Variants in PHGDH observed in about 807,000 individuals in gnomAD.
PHGDH encodes D-3-phosphoglycerate dehydrogenase.
Under a neutral mutation model 52.6 loss-of-function variants are expected in PHGDH, and 50 were observed. That is an observed-to-expected ratio of 0.95 (90% CI 0.76 to 1.20). The LOEUF is 1.20. Among genes scored for constraint, PHGDH ranks in the 50% most tolerant of loss-of-function variants. The pLI is 0.00. For synonymous variants in PHGDH, 271 were observed against 280.5 expected, an observed-to-expected ratio of 0.97 and a Z score of 0.34; for missense variants, 630 against 684.6, an observed-to-expected ratio of 0.92 and a Z score of 0.89.
chr1:119,725,303 GA>G, intron 3 of PHGDH, among the ~76,000 whole-genome samples: 1 of 152,322 alleles, frequency 6.6e-6, no homozygotes, highest in Non-Finnish European at 1.5e-5. Context: ...AGCAGCCAGA[GA>G]AAAGGGTTAG....
chr1:119,736,705 C>A (rs772742123), intron 7 of PHGDH, among the ~76,000 whole-genome samples: 4 of 152,144 alleles, frequency 2.6e-5, no homozygotes, highest in Non-Finnish European at 5.9e-5. Flanking sequence ...GGGTGAGTTT[C>A]GGGGAAAAGC....
chr1:119,735,320 C>G lies in PHGDH; in HGVS notation c.669C>G (p.Ala223=), dbSNP rs587765094. Residue 223 remains alanine (A), a synonymous_variant, in exon 7 of 12, where the codon GCC becomes GCG. Coordinates refer to ENST00000641023, the MANE Select transcript of PHGDH (RefSeq NM_006623.4). ...GCTTGCTGAATGACAACACCTTTGC[C>G]CAGTGCAAGAAGGGGGTGCGTGTGG... ...TTGLLNDNTF[A]QCKKGVRVVN... is the part of the protein sequence containing the mutation. The G allele has an allele frequency of 6.2e-7, 1 of 1,614,202 alleles. No homozygotes were observed. Among genetic ancestry groups the G allele is most frequent in the South Asian group, 1.1e-5 (1 of 91,090 alleles).
At chr1:119,722,579 T>G (rs1651217624) in intron 2 of PHGDH, among the ~76,000 whole-genome samples, 1 of 151,906 alleles carries the variant, frequency 6.6e-6, no homozygotes, top group East Asian at 1.9e-4. Flanking sequence ...AGGTGGAGAT[T>G]ACTAATAAAA....
In PHGDH at chr1:119,712,002, A is replaced by C; in HGVS notation, c.-21A>C. On this transcript the variant is annotated 5_prime_UTR_variant, in exon 1 of 12. Transcript: ENST00000641023. Reference sequence around the variant, plus strand: ...TAGGTACTTCTACTCACAGCGGCCGATTCCGAGGCCAACTCCAGCAATGGC... The same window carrying C: ...TAGGTACTTCTACTCACAGCGGCCGCTTCCGAGGCCAACTCCAGCAATGGC... The C allele has an allele frequency of 6.2e-7, 1 of 1,613,738 alleles. No homozygotes were observed. Among genetic ancestry groups the C allele is most frequent in the Non-Finnish European group, 8.5e-7 (1 of 1,179,954 alleles).
intron 10 of PHGDH, 181 bp downstream of exon 10, chr1:119,742,078 T>C: frequency 1.6e-6 from 1 of 638,792 alleles, no homozygotes; most frequent in Non-Finnish European, 2.8e-6. Context: ...TGGCCCCGAG[T>C]GTTGCTAATG....
intron 5 of PHGDH, among the ~76,000 whole-genome samples, chr1:119,733,327 C>T (rs2101191492): frequency 6.6e-6 from 1 of 151,058 alleles, no homozygotes; most frequent in African/African-American, 2.4e-5. Flanking sequence ...CTATTACGTT[C>T]TTTTTTATTT....
chr1:119,721,181 C>T lies in PHGDH; in HGVS notation c.150C>T (p.Gly50=), dbSNP rs1391807419. 2 of 1,614,110 alleles carry T rather than the reference C, an allele frequency of 1.2e-6. No individual in the cohort carries two copies. Among genetic ancestry groups the T allele is most frequent in the Non-Finnish European group, 8.5e-7 (1 of 1,179,980 alleles). The stretch of plus-strand genomic sequence containing the variant: ...TTTTTCTGCTTCAGGACTGTGAAGG[C>T]CTTATTGTTCGCTCTGCCACCAAGG... ...ELIAELQDCE[G]LIVRSATKVT... The change falls in exon 2 of 12, where the codon GGC becomes GGT. Residue 50 remains glycine, a synonymous_variant. Transcript: ENST00000641023.
Position 119,734,636 on chromosome 1 carries a change from T to C in PHGDH, c.513T>C (p.Thr171=). The C allele has an allele frequency of 6.2e-7, 1 of 1,614,084 alleles. No individual in the cohort carries two copies. Among genetic ancestry groups the C allele is most frequent in the Non-Finnish European group, 8.5e-7 (1 of 1,179,912 alleles). The change falls in exon 6 of 12, where the codon ACT becomes ACC. Residue 171 remains threonine (T), a splice_region_variant and synonymous_variant. Coordinates refer to ENST00000641023, the MANE Select transcript of PHGDH (RefSeq NM_006623.4). ...ATRMQSFGMK[T]IGYDPIISPE... is the part of the protein sequence containing the mutation. ...CCCTCTCTCTTGCTTCCAACCAGAC[T>C]ATAGGGTATGACCCCATCATTTCCC...
chr1:119,740,519 G>A lies in PHGDH; in HGVS notation c.1078+1G>A, dbSNP rs1224279673. 3.6e-5 allele frequency: 57 copies of A among 1,566,486 alleles called. No individual in the cohort carries two copies. Among genetic ancestry groups the A allele is most frequent in the Non-Finnish European group, 4.8e-5 (56 of 1,154,700 alleles). On this transcript the variant is annotated splice_donor_variant, in intron 9 of 11. Coordinates refer to ENST00000641023, the MANE Select transcript of PHGDH (RefSeq NM_006623.4). LOFTEE classifies it high-confidence loss of function. The stretch of plus-strand genomic sequence containing the variant: ...GGGACCATCCAGGTGATAACACAGG[G>A]TGAGCTGGGGACCTTGCAGAGGGAG...
intron 8 of PHGDH, among the ~76,000 whole-genome samples, chr1:119,737,476 G>C (rs587659076): frequency 3.1e-4 from 47 of 152,324 alleles, no homozygotes; most frequent in African/African-American, 1.1e-3. Flanking sequence ...GCAGCAGAGA[G>C]CCCGGCTCAG....
rs587597751 is a variant in PHGDH, at chr1:119,731,868, A to T, written c.511-2766A>T. On this transcript the variant is annotated intron_variant, in intron 5 of 11. Transcript: ENST00000641023. ...CTCCAGGATGGGCAGCTCCTATCTC[A>T]GTGTGTTACCTGGAATGCTTACTGC... Among the ~76,000 whole-genome samples, 4 of 152,248 alleles carry T rather than the reference A, an allele frequency of 2.6e-5. No individual in the cohort carries two copies. In the East Asian group the frequency reaches 7.7e-4, roughly 29 times the overall value.
At chr1:119,715,019 T>C (rs1166075440) in intron 1 of PHGDH, among the ~76,000 whole-genome samples, 2 of 152,220 alleles carry the variant, frequency 1.3e-5, no homozygotes, top group African/African-American at 4.8e-5. Context: ...GGAACTCACA[T>C]CTTAAATATA....
chr1:119,721,314 G>C lies in PHGDH; in HGVS notation c.283G>C (p.Val95Leu). Residue 95 changes from valine to leucine, a missense_variant, in exon 2 of 12, where the codon GTT becomes CTT. By Grantham distance (32) the Val-to-Leu change is conservative (BLOSUM62 1). Coordinates refer to ENST00000641023, the MANE Select transcript of PHGDH (RefSeq NM_006623.4). ...LEAATRKGIL[V>L]MNTPNGNSLS... The stretch of plus-strand genomic sequence containing the variant: ...GGCCGCAACAAGGAAGGGCATCTTG[G>C]TTATGAAGTAAGTCATGGAGGCTGC... 1 of 1,613,902 alleles carries C rather than the reference G, an allele frequency of 6.2e-7. No homozygotes were observed. The highest frequency in any genetic ancestry group is 8.5e-7 in the Non-Finnish European group (1 of 1,179,900).
At chr1:119,739,889 C>A (rs934501637) in intron 8 of PHGDH, 1 of 167,292 alleles carries the variant, frequency 6.0e-6, no homozygotes, top group Non-Finnish European at 1.3e-5. Context: ...ATTTGAAGCA[C>A]GATCATCAAA....
chr1:119,712,633 T>G, intron 1 of PHGDH: 1 of 190,478 alleles, frequency 5.2e-6, no homozygotes, highest in Non-Finnish European at 1.1e-5. Flanking sequence ...CCAACCAAGT[T>G]CTGGGCCGCC....
chr1:119,733,736 A>G (rs1457287040), intron 5 of PHGDH, among the ~76,000 whole-genome samples: 1 of 152,242 alleles, frequency 6.6e-6, no homozygotes, highest in African/African-American at 2.4e-5. Flanking sequence ...AGCAAAAAGG[A>G]GAAAAATAAT....
intron 3 of PHGDH, chr1:119,724,830 G>T (rs1343926354): frequency 2.2e-6 from 1 of 456,532 alleles, no homozygotes; most frequent in Non-Finnish European, 4.4e-6. Flanking sequence ...TGGTTTAAAA[G>T]AAGCTCCCCA....
intron 3 of PHGDH, 69 bp from the exon 4 acceptor site, chr1:119,726,782 A>G: frequency 1.6e-6 from 2 of 1,269,956 alleles, no homozygotes; most frequent in Non-Finnish European, 2.3e-6. Flanking sequence ...TGCAAACCTG[A>G]TGTTGCATCT....
rs771879574 is a variant in PHGDH, at chr1:119,735,260, C to T, written c.644-35C>T. On this transcript the variant is annotated intron_variant, in intron 6 of 11. Coordinates refer to ENST00000641023, the MANE Select transcript of PHGDH (RefSeq NM_006623.4). Reference sequence around the variant, plus strand: ...AGGGATGAGCGTGGGGATCCTGGTGCTGCCCCAGCAGGAAGATGCTTCGCT... The same window carrying T: ...AGGGATGAGCGTGGGGATCCTGGTGTTGCCCCAGCAGGAAGATGCTTCGCT... 3.1e-6 allele frequency: 5 copies of T among 1,613,630 alleles called. No individual in the cohort carries two copies. In the South Asian group the frequency reaches 4.4e-5, roughly 14 times the overall value.
Sources: gnomAD v4.1 joint callset for allele counts (sites outside exome capture counted in the v4.1 genomes callset) on GRCh38, gnomAD v4.1.1 for gene constraint, MANE v1.5 for transcripts, NCBI Gene and HGNC (gene_info 2026-07-23, HGNC 2026-07-21) for gene names.